Variants in GLIS1 observed in about 807,000 individuals in gnomAD.
The protein encoded by GLIS1 is zinc finger protein GLIS1.
Under a neutral mutation model 63.8 loss-of-function variants are expected in GLIS1, and 24 were observed. That is an observed-to-expected ratio of 0.38 (90% CI 0.27 to 0.53). GLIS1 has a LOEUF of 0.53. Among genes scored for constraint, GLIS1 ranks in the 20% least tolerant of loss-of-function variants. The probability of loss-of-function intolerance (pLI) is 0.85; values close to 1 mark genes in which losing one functional copy is unlikely to be tolerated. For missense variants in GLIS1, 1,036 were observed against 1,074.1 expected, an observed-to-expected ratio of 0.96 and a Z score of 0.50; for synonymous variants, 450 against 482.5, an observed-to-expected ratio of 0.93 and a Z score of 0.88.
chr1:53,607,668 T>G (rs1358365325), intron 2 of GLIS1, among the ~76,000 whole-genome samples: 1 of 152,240 alleles, frequency 6.6e-6, no homozygotes, highest in Non-Finnish European at 1.5e-5. Context: ...ACCCAGACAC[T>G]GCTCCACATC....
chr1:53,628,030 C>G (rs1445339732), intron 2 of GLIS1, among the ~76,000 whole-genome samples: 1 of 152,186 alleles, frequency 6.6e-6, no homozygotes, highest in Admixed American at 6.5e-5. Context: ...CACACTGAAC[C>G]TGGGGGAGAG....
At chr1:53,522,606 T>A (rs1330518949) in intron 6 of GLIS1, among the ~76,000 whole-genome samples, 2 of 152,202 alleles carry the variant, frequency 1.3e-5, no homozygotes, top group Non-Finnish European at 2.9e-5. Flanking sequence ...TTGTTAACTC[T>A]CTGAGCCTTA....
chr1:53,554,610 G>A lies in GLIS1; in HGVS notation c.1321-24658C>T, dbSNP rs527288502. On this transcript the variant is annotated intron_variant, in intron 4 of 10. Transcript: ENST00000628545. ...TCAGTGCTAACCAATATGGACTCAG[G>A]TTGGAGCCCTGAGTCCATATTGCCC... Among the ~76,000 whole-genome samples, 6 of 152,266 alleles carry A rather than the reference G, an allele frequency of 3.9e-5. No individual in the cohort carries two copies. In the South Asian group the frequency reaches 1.0e-3, roughly 26 times the overall value.
At chr1:53,629,997 G>A (rs543138832) in intron 2 of GLIS1, among the ~76,000 whole-genome samples, 20 of 152,264 alleles carry the variant, frequency 1.3e-4, no homozygotes, top group African/African-American at 4.8e-4. Flanking sequence ...TTCCATAATT[G>A]CATCTCCCAG....
chr1:53,709,694 A>G (rs1021428920), intron 2 of GLIS1, among the ~76,000 whole-genome samples: 1 of 152,164 alleles, frequency 6.6e-6, no homozygotes, highest in Non-Finnish European at 1.5e-5. Context: ...CAGCGACAGA[A>G]AGCCACACCC....
At chr1:53,699,699 T>C (rs1646503185) in intron 2 of GLIS1, among the ~76,000 whole-genome samples, 1 of 152,154 alleles carries the variant, frequency 6.6e-6, no homozygotes, top group Non-Finnish European at 1.5e-5. Flanking sequence ...AAGCTGCAAG[T>C]CCGGGATCAA....
intron 4 of GLIS1, among the ~76,000 whole-genome samples, chr1:53,587,704 T>A (rs1479815943): frequency 6.6e-6 from 1 of 152,208 alleles, no homozygotes; most frequent in Non-Finnish European, 1.5e-5. Context: ...GAAAAATAGT[T>A]ACATGCAATA....
At chr1:53,714,640 T>C (rs1646679363) in intron 2 of GLIS1, among the ~76,000 whole-genome samples, 1 of 152,190 alleles carries the variant, frequency 6.6e-6, no homozygotes, top group South Asian at 2.1e-4. Context: ...TAACAAGAAA[T>C]GCATTTTTTC....
At chr1:53,669,886 G>T (rs550829337) in intron 2 of GLIS1, among the ~76,000 whole-genome samples, 2 of 152,330 alleles carry the variant, frequency 1.3e-5, no homozygotes, top group South Asian at 4.1e-4. Context: ...AGCAGAGGGT[G>T]GGGGAACTGC....
intron 2 of GLIS1, among the ~76,000 whole-genome samples, chr1:53,645,905 GCCTTATTGACCTGCCATGC>G (rs1645840189): frequency 6.6e-6 from 1 of 152,170 alleles, no homozygotes; most frequent in Non-Finnish European, 1.5e-5. Flanking sequence ...TTCAATCAAA[GCCTTATTGACCTGCCATGC>G]CATGCCTGAC....
intron 2 of GLIS1, among the ~76,000 whole-genome samples, chr1:53,719,672 G>GT (rs1174521973): frequency 1.3e-5 from 2 of 152,108 alleles, no homozygotes; most frequent in African/African-American, 4.8e-5. Flanking sequence ...GGTAGTGCAA[G>GT]TGAGTAAGAT....
At chr1:53,604,945 T>TATATATATATATACACAC (rs1483680961) in intron 2 of GLIS1, among the ~76,000 whole-genome samples, 2 of 32,146 alleles carry the variant, frequency 6.2e-5, no homozygotes, top group African/African-American at 9.3e-5. Context: ...TATATATACA[T>TATATATATATATACACAC]ATATATATAT....
chr1:53,604,804 A>G (rs1006643493), intron 2 of GLIS1, among the ~76,000 whole-genome samples: 2 of 152,142 alleles, frequency 1.3e-5, no homozygotes, highest in Non-Finnish European at 2.9e-5. Context: ...CTAGTCAGCA[A>G]GCTTTTTCTG....
At chr1:53,607,799 T>C (rs1569909531) in intron 2 of GLIS1, among the ~76,000 whole-genome samples, 1 of 152,162 alleles carries the variant, frequency 6.6e-6, no homozygotes, top group African/African-American at 2.4e-5. Flanking sequence ...TTTCTCACAA[T>C]TCCAGAGGCA....
At chr1:53,677,756 C>T (rs1189256505) in intron 2 of GLIS1, among the ~76,000 whole-genome samples, 1 of 152,162 alleles carries the variant, frequency 6.6e-6, no homozygotes, top group African/African-American at 2.4e-5. Flanking sequence ...GCCGTGCCTC[C>T]TCACCTCTCC....
chr1:53,703,743 C>T (rs1344628135), intron 2 of GLIS1, among the ~76,000 whole-genome samples: 1 of 151,960 alleles, frequency 6.6e-6, no homozygotes, highest in East Asian at 1.9e-4. Flanking sequence ...AACTAGTCTC[C>T]AAGCAGCCCT....
rs544167985 is a variant in GLIS1, at chr1:53,522,515, C to T, written c.1594-1749G>A. On this transcript the variant is annotated intron_variant, in intron 6 of 10. Coordinates refer to ENST00000628545, the MANE Select transcript of GLIS1 (RefSeq NM_001367484.1). ...AGGCCCTCAACCTGAGAGCAGTGAA[C>T]GGAGCTCAGGCCCTGGAAGCAGACA... 8.6e-4 allele frequency among the ~76,000 whole-genome samples: 131 copies of T among 152,328 alleles called. 2 individuals are homozygous for T. The Middle Eastern group carries it at 0.051, about 59-fold the overall frequency.
At chr1:53,689,703 C>T (rs1378607555) in intron 2 of GLIS1, among the ~76,000 whole-genome samples, 1 of 152,144 alleles carries the variant, frequency 6.6e-6, no homozygotes, top group African/African-American at 2.4e-5. Flanking sequence ...CTCTCTGGGC[C>T]CACAGTAACA....
intron 2 of GLIS1, among the ~76,000 whole-genome samples, chr1:53,690,751 C>A (rs1044039412): frequency 2.6e-5 from 4 of 152,176 alleles, no homozygotes; most frequent in African/African-American, 9.7e-5. Flanking sequence ...AAGGGCATTC[C>A]GGCAGAGGGG....
Sources: gnomAD v4.1 joint callset for allele counts (sites outside exome capture counted in the v4.1 genomes callset) on GRCh38, gnomAD v4.1.1 for gene constraint, MANE v1.5 for transcripts, NCBI Gene and HGNC (gene_info 2026-07-23, HGNC 2026-07-21) for gene names.